Variants in RAP1GAP2 observed in about 807,000 individuals in gnomAD.
The protein encoded by RAP1GAP2 is rap1 GTPase-activating protein 2.
Under a neutral mutation model 95.0 loss-of-function variants are expected in RAP1GAP2, and 27 were observed. The ratio of observed to expected loss-of-function variants is 0.28; its 90% CI spans 0.21 to 0.39. The LOEUF (loss-of-function observed/expected upper bound fraction) is 0.39, where lower values mean the gene tolerates loss of function less well. RAP1GAP2 is among the 10% of genes least tolerant of loss of function. The pLI is 1.00. For synonymous variants in RAP1GAP2, 373 were observed against 380.9 expected, an observed-to-expected ratio of 0.98 and a Z score of 0.24; for missense variants, 771 against 970.0, an observed-to-expected ratio of 0.79 and a Z score of 2.72.
intron 22 of RAP1GAP2, among the ~76,000 whole-genome samples, chr17:3,028,619 CACAGCCAGTG>C (rs1401447283): frequency 2.1e-4 from 32 of 152,074 alleles, no homozygotes; most frequent in Admixed American, 2.0e-3. Context: ...ATCGTGATTC[CACAGCCAGTG>C]ACCCTTTGCA....
At chr17:2,947,922 G>T (rs909912144) in intron 3 of RAP1GAP2, among the ~76,000 whole-genome samples, 2 of 152,092 alleles carry the variant, frequency 1.3e-5, no homozygotes, top group Admixed American at 1.3e-4. Flanking sequence ...GCACTTTCTG[G>T]CCCGCATCTC....
chr17:2,852,963 A>C (rs1401563235), intron 2 of RAP1GAP2, among the ~76,000 whole-genome samples: 2 of 151,800 alleles, frequency 1.3e-5, no homozygotes, highest in Non-Finnish European at 2.9e-5. Flanking sequence ...GGACCACGCG[A>C]CGAGTGCGCA....
At chr17:2,924,789 T>C (rs932920936) in intron 3 of RAP1GAP2, among the ~76,000 whole-genome samples, 20 of 152,158 alleles carry the variant, frequency 1.3e-4, no homozygotes, top group African/African-American at 4.1e-4. Context: ...TCCTATTTCG[T>C]CTTGGAGCCT....
chr17:2,951,294 T>C (rs375916988), intron 3 of RAP1GAP2, among the ~76,000 whole-genome samples: 1 of 152,254 alleles, frequency 6.6e-6, no homozygotes, highest in African/African-American at 2.4e-5. Flanking sequence ...CACAGTCTCC[T>C]CACCCCTCTC....
chr17:2,852,547 C>T (rs1245643904), intron 2 of RAP1GAP2, among the ~76,000 whole-genome samples: 1 of 152,234 alleles, frequency 6.6e-6, no homozygotes, highest in Admixed American at 6.5e-5. Context: ...ATGGTCCCCT[C>T]CCTGCCTGGA....
rs542400891 is a variant in RAP1GAP2 at position 2,937,642 on chromosome 17, C to T, written c.166-20117C>T. Among the ~76,000 whole-genome samples, 488 of 152,264 alleles carry T rather than the reference C, an allele frequency of 3.2e-3. 1 individual carries two copies. Among genetic ancestry groups the T allele is most frequent in the African/African-American group, 0.011 (463 of 41,550 alleles). On this transcript the variant is annotated intron_variant, in intron 3 of 24. Transcript: ENST00000254695. The stretch of plus-strand genomic sequence containing the variant: ...AAGGGCTCAGTAGGGGACAGCGAGG[C>T]TCATGAACTTGACAATATCATTTCT...
intron 3 of RAP1GAP2, among the ~76,000 whole-genome samples, chr17:2,945,418 G>A (rs569975929): frequency 6.6e-6 from 1 of 152,224 alleles, no homozygotes; most frequent in East Asian, 1.9e-4. Flanking sequence ...GTGTTGGAAC[G>A]TCTCATCTGA....
rs1387976639 is a variant in RAP1GAP2 at position 2,995,342 on chromosome 17, G to A, written c.920G>A (p.Arg307Gln). The A allele has an allele frequency of 1.2e-6, 2 of 1,613,584 alleles. No homozygotes were observed. Among genetic ancestry groups the A allele is most frequent in the South Asian group, 1.1e-5 (1 of 91,066 alleles). The change falls in exon 13 of 25, where the codon CGA becomes CAA. Residue 307 changes from arginine (R) to glutamine (Q), a missense_variant. Arg to Gln is a conservative substitution (Grantham distance 43). Transcript: ENST00000254695. ...TITLQDFKGF[R>Q]GGLDVTHGQT... Reference sequence around the variant, plus strand: ...CTGCCCTGTTTTGTTGACAGTTTCCGAGGAGGCCTGGACGTGACCCACGGA... The same window carrying A: ...CTGCCCTGTTTTGTTGACAGTTTCCAAGGAGGCCTGGACGTGACCCACGGA...
intron 2 of RAP1GAP2, among the ~76,000 whole-genome samples, chr17:2,831,620 G>A (rs559035701): frequency 2.0e-5 from 3 of 151,970 alleles, no homozygotes; most frequent in Non-Finnish European, 4.4e-5. Context: ...GCTGTGCATG[G>A]TGGCTCATGC....
Position 3,018,117 on chromosome 17 carries a change from G to T in RAP1GAP2, c.1551G>T (p.Lys517Asn). ...AGACCATGGTGGGCGGCCAGAAGAA[G>T]TCGCACAGTGGGGGCATCCCTGGCA... ...SMETMVGGQK[K>N]SHSGGIPGSL... The change falls in exon 18 of 25, where the codon AAG becomes AAT. Residue 517 changes from lysine (K) to asparagine (N), a missense_variant. By Grantham distance (94) the Lys-to-Asn change is moderately conservative (BLOSUM62 0). Transcript: ENST00000254695. The T allele has an allele frequency of 6.3e-7, 1 of 1,590,858 alleles. No individual in the cohort carries two copies. Among genetic ancestry groups the T allele is most frequent in the Admixed American group, 1.8e-5 (1 of 56,914 alleles).
rs1005923802 is a variant in RAP1GAP2, at chr17:2,897,580, G to A, written c.81-7704G>A. On this transcript the variant is annotated intron_variant, in intron 2 of 24. Transcript: ENST00000254695. ...TCACCATGTTGGCCAGGCTGGTCTCGAACTCCTGACCTCAAGTGATCTGCC... is the reference window on the plus strand; with the variant it reads ...TCACCATGTTGGCCAGGCTGGTCTCAAACTCCTGACCTCAAGTGATCTGCC... Among the ~76,000 whole-genome samples the A allele has an allele frequency of 4.6e-5, 7 of 151,974 alleles. No homozygotes were observed. The South Asian group carries it at 8.3e-4, about 18-fold the overall frequency.
chr17:2,989,817 G>A (rs781613211), intron 11 of RAP1GAP2, among the ~76,000 whole-genome samples: 3 of 149,670 alleles, frequency 2.0e-5, no homozygotes, highest in Non-Finnish European at 4.4e-5. Context: ...TGTAACCACA[G>A]AATCGTGCAC....
At chr17:2,829,107 T>C (rs1201352856) in intron 2 of RAP1GAP2, among the ~76,000 whole-genome samples, 2 of 149,118 alleles carry the variant, frequency 1.3e-5, no homozygotes, top group Non-Finnish European at 3.0e-5. Context: ...CTCAGCCTTC[T>C]GAGTAGCTGG....
chr17:2,791,755 C>T (rs372312407), upstream of RAP1GAP2, among the ~76,000 whole-genome samples: 11 of 152,274 alleles, frequency 7.2e-5, no homozygotes, highest in Admixed American at 3.9e-4. Context: ...CTCCTCTCCC[C>T]GCTGGCTGCT....
At chr17:2,907,831 A>T (rs1174966191) in intron 3 of RAP1GAP2, among the ~76,000 whole-genome samples, 3 of 152,086 alleles carry the variant, frequency 2.0e-5, no homozygotes, top group Admixed American at 2.0e-4. Flanking sequence ...TTTTTGAGAC[A>T]GAGCCTTGCT....
chr17:2,842,702 T>C (rs1205919853), intron 2 of RAP1GAP2, among the ~76,000 whole-genome samples: 7 of 152,008 alleles, frequency 4.6e-5, no homozygotes, highest in Admixed American at 1.3e-4. Context: ...AGGCTGGTGG[T>C]GTGAGGCTCT....
intron 23 of RAP1GAP2, 34 bp downstream of exon 23, chr17:3,031,032 T>A (rs1277054644): frequency 1.3e-6 from 2 of 1,545,208 alleles, no homozygotes; most frequent in South Asian, 2.3e-5. Context: ...CACACTCCAC[T>A]TTCTGCAGAG....
chr17:2,978,770 C>A lies in RAP1GAP2; in HGVS notation c.597-1517C>A. 1.3e-5 allele frequency among the ~76,000 whole-genome samples: 2 copies of A among 151,892 alleles called. 1 individual carries two copies. Among genetic ancestry groups the A allele is most frequent in the East Asian group, 3.9e-4 (2 of 5,180 alleles). On this transcript the variant is annotated intron_variant, in intron 8 of 24. Coordinates refer to ENST00000254695, the MANE Select transcript of RAP1GAP2 (RefSeq NM_015085.5). ...CCAACATAGTGAAACCCTGTCTCTA[C>A]TAAAAATATAAAAAATTAGCTAGGC...
chr17:2,801,594 G>GGTGTGTGTGTGTGT (rs1482014787), intron 2 of RAP1GAP2, among the ~76,000 whole-genome samples: 1 of 125,962 alleles, frequency 7.9e-6, no homozygotes, highest in Non-Finnish European at 1.7e-5. Context: ...AACACTCCAG[G>GGTGTGTGTGTGTGT]GTATGTGTGT....
Sources: gnomAD v4.1 joint callset for allele counts (sites outside exome capture counted in the v4.1 genomes callset) on GRCh38, gnomAD v4.1.1 for gene constraint, MANE v1.5 for transcripts, NCBI Gene and HGNC (gene_info 2026-07-23, HGNC 2026-07-21) for gene names.